BNC2: variants seen among roughly 807,000 people sequenced by gnomAD.
BNC2 encodes zinc finger protein basonuclin-2.
Under a neutral mutation model 76.3 loss-of-function variants are expected in BNC2, and 20 were observed. That is an observed-to-expected ratio of 0.26 (90% CI 0.18 to 0.38). BNC2 has a LOEUF of 0.38. BNC2 is among the 10% of genes least tolerant of loss of function. The pLI is 1.00. For missense variants in BNC2, 1,382 were observed against 1,399.8 expected (o/e 0.99, Z 0.20); for synonymous variants, 582 against 514.8 (o/e 1.13, Z -1.77).
chr9:16,520,573 G>C (rs957570585), intron 5 of BNC2, among the ~76,000 whole-genome samples: 1 of 152,158 alleles, frequency 6.6e-6, no homozygotes, highest in South Asian at 2.1e-4. Context: ...GCAAGAGTTG[G>C]AGAGCAAGAG....
chr9:16,458,609 A>G (rs1292706016), intron 5 of BNC2, among the ~76,000 whole-genome samples: 2 of 152,216 alleles, frequency 1.3e-5, no homozygotes. Context: ...CAATCCGCCA[A>G]CTACATGTAG....
At chr9:16,526,676 T>C (rs940366022) in intron 5 of BNC2, among the ~76,000 whole-genome samples, 6 of 152,086 alleles carry the variant, frequency 3.9e-5, no homozygotes, top group African/African-American at 1.4e-4. Context: ...AGACAATATA[T>C]GCCATAATTT....
At chr9:16,789,093 A>G (rs1254829604) in intron 1 of BNC2, among the ~76,000 whole-genome samples, 1 of 152,228 alleles carries the variant, frequency 6.6e-6, no homozygotes, top group Non-Finnish European at 1.5e-5. Context: ...GATCAATCTC[A>G]GAAGTATTAT....
chr9:16,815,601 A>T (rs1251936277), intron 1 of BNC2, among the ~76,000 whole-genome samples: 1 of 152,186 alleles, frequency 6.6e-6, no homozygotes, highest in Admixed American at 6.5e-5. Context: ...CATTAACATA[A>T]ATTTTGGACA....
At chr9:16,552,823 G>A (rs1818707706) in intron 4 of BNC2, 58 bp from the exon 5 acceptor site, 1 of 1,373,804 alleles carries the variant, frequency 7.3e-7, no homozygotes, top group Non-Finnish European at 1.0e-6. Context: ...GATAAAGAGA[G>A]AGAACAGGAG....
At chr9:16,550,451 G>A (rs563635042) in intron 5 of BNC2, among the ~76,000 whole-genome samples, 2 of 152,146 alleles carry the variant, frequency 1.3e-5, no homozygotes, top group Non-Finnish European at 2.9e-5. Context: ...TCACAAGTTG[G>A]GGAAAAACTA....
chr9:16,663,130 C>CTTTTTTTTTTTTTTTTTTTTTTTTT lies in BNC2; in HGVS notation c.330+64666_330+64667insAAAAAAAAAAAAAAAAAAAAAAAAA, dbSNP rs71325979. Among the ~76,000 whole-genome samples, 10 of 99,612 alleles carry CTTTTTTTTTTTTTTTTTTTTTTTTT rather than the reference C, an allele frequency of 1.0e-4. 1 individual carries two copies. The highest frequency in any genetic ancestry group is 2.5e-4 in the African/African-American group (7 of 27,946). The allele number at this position is 99,612 out of a possible 152,430, so 65.3% of individuals were successfully genotyped here. A position where few individuals can be genotyped will look rare whatever the true frequency, so the allele number is the denominator to read the frequency against. On this transcript the variant is annotated intron_variant, in intron 3 of 6. Coordinates refer to ENST00000380672, the MANE Select transcript of BNC2 (RefSeq NM_017637.6). ...CCATAGGCACTCCACTCTGTTTACT[C>CTTTTTTTTTTTTTTTTTTTTTTTTT]TTTTTTTTTTTTTTTTGGAGACGGA...
intron 5 of BNC2, among the ~76,000 whole-genome samples, chr9:16,451,435 A>G (rs1271576199): frequency 2.6e-5 from 4 of 152,088 alleles, no homozygotes; most frequent in African/African-American, 9.7e-5. Flanking sequence ...TTCTTAGCAA[A>G]CCTTTCATGG....
intron 5 of BNC2, among the ~76,000 whole-genome samples, chr9:16,507,560 C>T (rs1822657413): frequency 2.0e-5 from 3 of 152,180 alleles, no homozygotes; most frequent in Non-Finnish European, 4.4e-5. Flanking sequence ...TCCTGAGTAG[C>T]TGGGACTACA....
intron 1 of BNC2, among the ~76,000 whole-genome samples, chr9:16,785,633 G>A (rs1826269628): frequency 6.7e-6 from 1 of 149,374 alleles, no homozygotes; most frequent in African/African-American, 2.5e-5. Context: ...CCTGACCTCA[G>A]GTGATCGGCC....
At chr9:16,624,545 G>A (rs1029897320) in intron 3 of BNC2, among the ~76,000 whole-genome samples, 7 of 152,010 alleles carry the variant, frequency 4.6e-5, no homozygotes, top group African/African-American at 1.2e-4. Context: ...GCTGCATTCC[G>A]CTAAGAAAGC....
chr9:16,580,209 C>T, intron 4 of BNC2: 1 of 398,404 alleles, frequency 2.5e-6, no homozygotes, highest in Non-Finnish European at 4.4e-6. Flanking sequence ...AGAGTGGGTG[C>T]TGTCATCCCA....
In BNC2 at chr9:16,552,644, C is replaced by T. The variant is rs142020247; in HGVS notation, c.555G>A (p.Arg185=). 4 of 1,614,206 alleles carry T rather than the reference C, an allele frequency of 2.5e-6. No individual in the cohort carries two copies. Among genetic ancestry groups the T allele is most frequent in the Non-Finnish European group, 3.4e-6 (4 of 1,180,028 alleles). ...MLYGTQAVPV[R]LKILLDRLFS... ...AGAGACGGTCCAGCAGGATCTTTAG[C>T]CGCACAGGCACTGCTTGTGTCCCAT... The change falls in exon 5 of 7, where the codon CGG becomes CGA. Residue 185 remains arginine, a synonymous_variant. Transcript: ENST00000380672.
intron 4 of BNC2, among the ~76,000 whole-genome samples, chr9:16,555,619 C>T (rs1187438728): frequency 2.6e-5 from 4 of 151,734 alleles, no homozygotes; most frequent in African/African-American, 9.7e-5. Flanking sequence ...TGCGGTGAAA[C>T]TCCCACCTCT....
intron 5 of BNC2, among the ~76,000 whole-genome samples, chr9:16,448,707 T>C (rs563203895): frequency 1.3e-5 from 2 of 152,180 alleles, no homozygotes; most frequent in East Asian, 3.8e-4. Flanking sequence ...AAAGATGTAT[T>C]AGGAGATTTA....
At chr9:16,740,253 G>A (rs945052986) in intron 1 of BNC2, among the ~76,000 whole-genome samples, 1 of 152,196 alleles carries the variant, frequency 6.6e-6, no homozygotes, top group African/African-American at 2.4e-5. Flanking sequence ...AATACAGTAA[G>A]AGCAAACCAA....
intron 4 of BNC2, among the ~76,000 whole-genome samples, chr9:16,570,966 T>G (rs1490755849): frequency 6.6e-6 from 1 of 152,212 alleles, no homozygotes; most frequent in Non-Finnish European, 1.5e-5. Context: ...ATAGTAACCC[T>G]AATTTCTAAT....
At chr9:16,645,815 C>T (rs1288632780) in intron 3 of BNC2, among the ~76,000 whole-genome samples, 1 of 152,190 alleles carries the variant, frequency 6.6e-6, no homozygotes, top group Non-Finnish European at 1.5e-5. Context: ...TCACCCAGCA[C>T]TTCTGTCCTA....
chr9:16,428,305 T>A (rs1024321179), intron 6 of BNC2, among the ~76,000 whole-genome samples: 2 of 152,080 alleles, frequency 1.3e-5, no homozygotes, highest in African/African-American at 4.8e-5. Flanking sequence ...GGCAGCAGAG[T>A]TAGAGCGGCT....
Sources: allele counts gnomAD v4.1 joint callset (sites outside exome capture counted in the v4.1 genomes callset), GRCh38; gene constraint gnomAD v4.1.1; transcripts MANE v1.5; gene names NCBI Gene and HGNC (gene_info 2026-07-23, HGNC 2026-07-21).